Variants in SPMAP2L observed in about 807,000 individuals in gnomAD.
SPMAP2L encodes sperm microtubule associated protein 2 like.
chr4:56,540,295 C>A, the SPMAP2L span, among the ~76,000 whole-genome samples: 2 of 152,164 alleles, frequency 1.3e-5, no homozygotes, highest in African/African-American at 4.8e-5. Context: ...GTAATCCCAG[C>A]ACTTTGGGAG....
chr4:56,617,008 C>T, the SPMAP2L span, among the ~76,000 whole-genome samples: 19 of 152,130 alleles, frequency 1.2e-4, no homozygotes, highest in Non-Finnish European at 2.6e-4. Context: ...CCTTCCAAGA[C>T]CCTGAGGGGA....
At chr4:56,571,173 T>C in the SPMAP2L span, among the ~76,000 whole-genome samples, 1 of 151,986 alleles carries the variant, frequency 6.6e-6, no homozygotes, top group South Asian at 2.1e-4. Flanking sequence ...TAATAACACT[T>C]AGCTTAAAAC....
At chr4:56,553,260 G>A in the SPMAP2L span, among the ~76,000 whole-genome samples, 1 of 140,154 alleles carries the variant, frequency 7.1e-6, no homozygotes, top group South Asian at 2.3e-4. Flanking sequence ...GTGCAATCAT[G>A]GCTTACTGCA....
the SPMAP2L span, among the ~76,000 whole-genome samples, chr4:56,605,622 C>G: frequency 2.6e-5 from 4 of 152,148 alleles, no homozygotes; most frequent in Non-Finnish European, 5.9e-5. Flanking sequence ...ATAAGACTCT[C>G]TAGCTAGGAA....
chr4:56,589,920 G>A, the SPMAP2L span, among the ~76,000 whole-genome samples: 1 of 152,088 alleles, frequency 6.6e-6, no homozygotes, highest in African/African-American at 2.4e-5. Flanking sequence ...CTTTCTGGAG[G>A]AGTCTTTAGG....
chr4:56,572,324 G>T, the SPMAP2L span, among the ~76,000 whole-genome samples: 7 of 152,306 alleles, frequency 4.6e-5, no homozygotes, highest in East Asian at 1.4e-3. Context: ...AAAGCAATAG[G>T]AATTTTTCAG....
At chr4:56,615,105 G>A in the SPMAP2L span, among the ~76,000 whole-genome samples, 4 of 152,216 alleles carry the variant, frequency 2.6e-5, no homozygotes. Flanking sequence ...GCCAGATCCA[G>A]AATTCCTAAA....
the SPMAP2L span, among the ~76,000 whole-genome samples, chr4:56,586,461 T>G: frequency 1.2e-4 from 19 of 152,306 alleles, no homozygotes; most frequent in East Asian, 3.5e-3. Context: ...CATCCAAATC[T>G]AATTACTACC....
chr4:56,586,992 G>A, the SPMAP2L span, among the ~76,000 whole-genome samples: 160 of 152,096 alleles, frequency 1.1e-3, 2 homozygotes, highest in Middle Eastern at 3.4e-3. Context: ...CTGTTTAGAG[G>A]TATGCTATAA....
At chr4:56,616,549 G>A in the SPMAP2L span, among the ~76,000 whole-genome samples, 4 of 152,150 alleles carry the variant, frequency 2.6e-5, no homozygotes, top group African/African-American at 7.2e-5. Context: ...GTATGATCTT[G>A]TATGGCTTCT....
the SPMAP2L span, chr4:56,601,241 G>A: frequency 1.3e-5 from 12 of 926,448 alleles, no homozygotes; most frequent in East Asian, 5.3e-5. Flanking sequence ...CTTACTTAAC[G>A]AATTACATTT....
At chr4:56,557,035 C>T in the SPMAP2L span, among the ~76,000 whole-genome samples, 11 of 151,050 alleles carry the variant, frequency 7.3e-5, no homozygotes, top group Middle Eastern at 3.5e-3. Flanking sequence ...GATCACTTGA[C>T]GTCAGGAGTT....
At chr4:56,601,264 C>G in the SPMAP2L span, among the ~76,000 whole-genome samples, 1 of 152,022 alleles carries the variant, frequency 6.6e-6, no homozygotes, top group African/African-American at 2.4e-5. Flanking sequence ...TGTGATACAT[C>G]TATGGTCTTC....
At chr4:56,575,236 G>A in the SPMAP2L span, among the ~76,000 whole-genome samples, 4 of 143,444 alleles carry the variant, frequency 2.8e-5, no homozygotes, top group Admixed American at 2.2e-4. Context: ...GCGACAGAGC[G>A]AGACTCCATC....
the SPMAP2L span, among the ~76,000 whole-genome samples, chr4:56,542,142 C>T: frequency 6.6e-6 from 1 of 152,222 alleles, no homozygotes; most frequent in African/African-American, 2.4e-5. Flanking sequence ...AATGATCTGC[C>T]TCAGGCTCTG....
At chr4:56,565,772 T>A in the SPMAP2L span, among the ~76,000 whole-genome samples, 1 of 152,140 alleles carries the variant, frequency 6.6e-6, no homozygotes, top group African/African-American at 2.4e-5. Context: ...TCCAAAAAAT[T>A]CAAAATCTGA....
the SPMAP2L span, among the ~76,000 whole-genome samples, chr4:56,622,768 G>A: frequency 1.2e-3 from 189 of 152,182 alleles, 3 homozygotes; most frequent in African/African-American, 4.2e-3. Context: ...CCCTCATGCC[G>A]CACACTGCCT....
the SPMAP2L span, among the ~76,000 whole-genome samples, chr4:56,615,726 C>A: frequency 1.3e-5 from 2 of 151,828 alleles, no homozygotes; most frequent in East Asian, 3.9e-4. Context: ...CCAGACTAGG[C>A]TAGAAAGTGA....
At chr4:56,554,907 C>T in the SPMAP2L span, among the ~76,000 whole-genome samples, 3 of 149,948 alleles carry the variant, frequency 2.0e-5, no homozygotes, top group Non-Finnish European at 4.4e-5. Flanking sequence ...CCAGTTGTTC[C>T]AGTACCATTT....
Sources: gnomAD v4.1 joint callset for allele counts (sites outside exome capture counted in the v4.1 genomes callset) on GRCh38, gnomAD v4.1.1 for gene constraint, MANE v1.5 for transcripts, NCBI Gene and HGNC (gene_info 2026-07-23, HGNC 2026-07-21) for gene names.